LAMA5: variants seen among roughly 807,000 people sequenced by gnomAD.
LAMA5 encodes the protein laminin subunit alpha 5, also known as laminin subunit alpha-5.
In LAMA5, 260 loss-of-function variants were observed where a neutral mutation model predicts 433.4. The ratio of observed to expected loss-of-function variants is 0.60; its 90% CI spans 0.54 to 0.66. The LOEUF (loss-of-function observed/expected upper bound fraction) is 0.66. LAMA5 is among the 30% of genes least tolerant of loss of function. LAMA5 has a pLI of 0.00. For missense variants in LAMA5, 5,378 were observed against 5,258.5 expected, an observed-to-expected ratio of 1.02 and a Z score of -0.70; for synonymous variants, 2,620 against 2,226.6, an observed-to-expected ratio of 1.18 and a Z score of -4.97.
chr20:62,330,707 T>G (rs1299205593), intron 30 of LAMA5, 36 bp downstream of exon 30: 2 of 1,555,598 alleles, frequency 1.3e-6, no homozygotes, highest in Non-Finnish European at 8.7e-7. Context: ...AGTCCTGCCC[T>G]GACACCCCCG....
Position 62,367,155 on chromosome 20 carries a change from C to T in LAMA5, c.91G>A (p.Gly31Ser). The change falls in exon 1 of 80, where the codon GGC becomes AGC. Residue 31 changes from glycine (G) to serine (S), a missense_variant. Coordinates refer to ENST00000252999, the MANE Select transcript of LAMA5 (RefSeq NM_005560.6). ...PLLLVGLALL[G>S]AARAREEAGG... is the part of the protein sequence containing the mutation. ...GCCTCCTCCCGCGCCCGCGCCGCGC[C>T]CAGCAGCGCCAGCCCGACCAGCAGC... is the stretch of plus-strand genomic sequence containing the variant. The T allele has an allele frequency of 1.6e-6, 2 of 1,257,984 alleles. No homozygotes were observed. The highest frequency in any genetic ancestry group is 3.3e-5 in the East Asian group (1 of 30,202). 77.9% of individuals were successfully genotyped at this position (1,257,984 alleles called of 1,614,324 possible). A position where few individuals can be genotyped will look rare whatever the true frequency, so the allele number is the denominator to read the frequency against.
rs138911953 is a variant in LAMA5 at position 62,351,981 on chromosome 20, G to T, written c.786C>A (p.Arg262=). 1.2e-6 allele frequency: 2 copies of T among 1,612,666 alleles called. No homozygotes were observed. The highest frequency in any genetic ancestry group is 1.7e-6 in the Non-Finnish European group (2 of 1,179,916). Residue 262 remains arginine (R), a synonymous_variant, in exon 5 of 80, where the codon CGC becomes CGA. Transcript: ENST00000252999. ...CCAGCAGCGTGTTGGTACGCAGGAA[G>T]CGCAGGCGGACGTTGGTGGCCTTGG... is the stretch of plus-strand genomic sequence containing the variant. ...EFTKATNVRL[R]FLRTNTLLGH...
At chr20:62,336,879 A>C in intron 16 of LAMA5, 93 bp from the exon 17 acceptor site, 1 of 1,256,690 alleles carries the variant, frequency 8.0e-7, no homozygotes, top group Non-Finnish European at 1.1e-6. Flanking sequence ...ACGGTCCCAC[A>C]GGAGCTGAGG....
chr20:62,327,083 G>T lies in LAMA5; in HGVS notation c.5113-117C>A, dbSNP rs192221166. ...CCCTGTGCTGGGCCTGGATACTTGC[G>T]CTCATTCCCTACCGGGACAGGGCCT... On this transcript the variant is annotated intron_variant, in intron 38 of 79. Coordinates refer to ENST00000252999, the MANE Select transcript of LAMA5 (RefSeq NM_005560.6). 9.2e-6 allele frequency: 10 copies of T among 1,089,838 alleles called. No homozygotes were observed. In the African/African-American group the frequency reaches 1.3e-4, roughly 14 times the overall value. 67.5% of individuals were successfully genotyped at this position (1,089,838 alleles called of 1,614,324 possible).
Position 62,363,296 on chromosome 20 carries a change from G to A in LAMA5, c.298-744C>T, listed in dbSNP as rs114076454. 7.7e-3 allele frequency among the ~76,000 whole-genome samples: 1,173 copies of A among 152,288 alleles called. 13 individuals are homozygous for A. Among genetic ancestry groups the A allele is most frequent in the African/African-American group, 0.027 (1,114 of 41,562 alleles). On this transcript the variant is annotated intron_variant, in intron 1 of 79. Transcript: ENST00000252999. The stretch of plus-strand genomic sequence containing the variant: ...CTCCTGGCTGCTGCTTCCGAGTCCT[G>A]GGAAGAGGCCAAGTCACAGTAACTG...
chr20:62,323,050 G>T (rs1031492687), intron 45 of LAMA5, among the ~76,000 whole-genome samples: 3 of 145,084 alleles, frequency 2.1e-5, no homozygotes, highest in African/African-American at 7.7e-5. Context: ...GACTGATTGT[G>T]GGGGGAGAGG....
At chr20:62,335,947 C>T (rs1251662566) in intron 18 of LAMA5, among the ~76,000 whole-genome samples, 4 of 145,374 alleles carry the variant, frequency 2.8e-5, no homozygotes, top group Admixed American at 2.7e-4. Context: ...CCAGGACACA[C>T]TCATGGGTGC....
At chr20:62,337,511 G>C in intron 16 of LAMA5, 79 bp downstream of exon 16, 1 of 1,526,894 alleles carries the variant, frequency 6.5e-7, no homozygotes, top group Non-Finnish European at 8.9e-7. Context: ...CAGCCTCACA[G>C]GAAGGCAGGC....
At position 62,319,586 on chromosome 20, in the gene LAMA5, G is replaced by A. The variant is rs544699404; in HGVS notation, c.6871+98C>T. Reference sequence around the variant, plus strand: ...GTCTCCCATCTAAAAGACAGATCCTGCCTGTTCTTCCAGGCCAAGCTCGGC... The same window carrying A: ...GTCTCCCATCTAAAAGACAGATCCTACCTGTTCTTCCAGGCCAAGCTCGGC... On this transcript the variant is annotated intron_variant, in intron 51 of 79. Transcript: ENST00000252999. 1.0e-4 allele frequency: 84 copies of A among 810,316 alleles called. No homozygotes were observed. In the African/African-American group the frequency reaches 1.2e-3, roughly 11 times the overall value. 50.2% of individuals were successfully genotyped at this position (810,316 alleles called of 1,614,324 possible).
At chr20:62,333,306 G>C in intron 25 of LAMA5, 63 bp from the exon 26 acceptor site, 1 of 1,589,110 alleles carries the variant, frequency 6.3e-7, no homozygotes, top group Non-Finnish European at 8.6e-7. Context: ...CAGCCTGAGT[G>C]GGGGAAGCCA....
In LAMA5 at chr20:62,352,258, G is replaced by A. The variant is rs1253459407; in HGVS notation, c.671C>T (p.Pro224Leu). Residue 224 changes from proline to leucine, a missense_variant, in exon 4 of 80, where the codon CCC (proline) becomes CTC (leucine). Transcript: ENST00000252999. ...CCGGCCCACCTCTCCGTTCTCCAGGGGCACGATGCGTGAGTACTCGGTGGT... is the reference window on the plus strand; with the variant it reads ...CCGGCCCACCTCTCCGTTCTCCAGGAGCACGATGCGTGAGTACTCGGTGGT... Reference protein sequence around the residue: ...ICTTEYSRIVPLENGEIVVSL... With the variant: ...ICTTEYSRIVLLENGEIVVSL... 6.3e-7 allele frequency: 1 copy of A among 1,599,424 alleles called. No individual in the cohort carries two copies. The highest frequency in any genetic ancestry group is 1.7e-5 in the Admixed American group (1 of 59,994).
At chr20:62,309,511 G>A (rs1985869615) in intron 79 of LAMA5, 36 bp from the exon 80 acceptor site, 1 of 1,525,396 alleles carries the variant, frequency 6.6e-7, no homozygotes, top group Non-Finnish European at 8.8e-7. Context: ...AGGCTGGTTG[G>A]TGGGCAGCTA....
chr20:62,312,080 G>T lies in LAMA5; in HGVS notation c.9505-30C>A, dbSNP rs768158395. On this transcript the variant is annotated intron_variant, in intron 69 of 79. Coordinates refer to ENST00000252999, the MANE Select transcript of LAMA5 (RefSeq NM_005560.6). ...GGACGGCAGCCAGGTCAGCCGGCCG[G>T]CCTGGGGACCCAGACTCATTCCAGA... The T allele has an allele frequency of 4.3e-6, 7 of 1,609,938 alleles. No individual in the cohort carries two copies. In the South Asian group the frequency reaches 5.5e-5, roughly 13 times the overall value.
At position 62,362,347 on chromosome 20, in the gene LAMA5, G is replaced by A. The variant is rs569875176; in HGVS notation, c.450+53C>T. 3.4e-4 allele frequency: 471 copies of A among 1,397,550 alleles called. 3 individuals are homozygous for A. Among genetic ancestry groups the A allele is most frequent in the South Asian group, 2.9e-3 (167 of 57,104 alleles). The allele number at this position is 1,397,550 out of a possible 1,614,324, so 86.6% of individuals were successfully genotyped here. On this transcript the variant is annotated intron_variant, in intron 2 of 79. Coordinates refer to ENST00000252999, the MANE Select transcript of LAMA5 (RefSeq NM_005560.6). The stretch of plus-strand genomic sequence containing the variant: ...TGGTCCTGTGGCCCAAGGTAGGCCC[G>A]ACGGGCACAGACACAGAGATGGGGG...
Position 62,337,918 on chromosome 20 carries a change from C to T in LAMA5, c.1912G>A (p.Gly638Arg), listed in dbSNP as rs1463130357. ...NCQACTCDPR[G>R]ALDQLCGAGG... is the part of the protein sequence containing the mutation. Reference sequence around the variant, plus strand: ...GCCCCACAGAGCTGGTCCAGGGCTCCCCGAGGGTCGCAGGTGCATGCTGCA... The same window carrying T: ...GCCCCACAGAGCTGGTCCAGGGCTCTCCGAGGGTCGCAGGTGCATGCTGCA... The change falls in exon 15 of 80, where the codon GGA (glycine) becomes AGA (arginine). Residue 638 changes from glycine to arginine, a missense_variant. Transcript: ENST00000252999. 6.2e-7 allele frequency: 1 copy of T among 1,610,690 alleles called. No homozygotes were observed. The highest frequency in any genetic ancestry group is 1.3e-5 in the African/African-American group (1 of 74,966).
chr20:62,362,232 C>G (rs1195771607), intron 2 of LAMA5, among the ~76,000 whole-genome samples, 168 bp downstream of exon 2: 1 of 152,238 alleles, frequency 6.6e-6, no homozygotes, highest in Non-Finnish European at 1.5e-5. Context: ...CACTGCCGTG[C>G]CTTTGTCCCT....
chr20:62,312,752 C>T lies in LAMA5; in HGVS notation c.9107G>A (p.Arg3036His), dbSNP rs749079447. Reference protein sequence around the residue: ...AIQVFLLGGSRKRVLVRVERA... With the variant: ...AIQVFLLGGSHKRVLVRVERA... ...CTCCACACGCACCAGCACACGCTTG[C>T]GGCTGCCCCCCAGCAGGAACACCTG... Residue 3036 changes from arginine (R) to histidine (H), a missense_variant, in exon 67 of 80, where the codon CGC (arginine) becomes CAC (histidine). Transcript: ENST00000252999. 3.8e-5 allele frequency: 61 copies of T among 1,589,626 alleles called. No homozygotes were observed. Among genetic ancestry groups the T allele is most frequent in the African/African-American group, 2.0e-4 (15 of 74,010 alleles).
In LAMA5 at chr20:62,346,207, A is replaced by G; in HGVS notation, c.1291T>C (p.Cys431Arg). 1 of 1,611,600 alleles carries G rather than the reference A, an allele frequency of 6.2e-7. No individual in the cohort carries two copies. The highest frequency in any genetic ancestry group is 1.1e-5 in the South Asian group (1 of 90,832). The change falls in exon 10 of 80, where the codon TGC (cysteine) becomes CGC (arginine). Residue 431 changes from cysteine (C) to arginine (R), a missense_variant. Transcript: ENST00000252999. ...GTGCCATCCGTGAAGTCGGACTCGCAGTTGCAGCCTGGGCAGGGGCAGGAG... is the reference window on the plus strand; with the variant it reads ...GTGCCATCCGTGAAGTCGGACTCGCGGTTGCAGCCTGGGCAGGGGCAGGAG... ...DSPHVCRRCN[C>R]ESDFTDGTCE...
At position 62,351,994 on chromosome 20, in the gene LAMA5, T is replaced by C. The variant is rs773750026; in HGVS notation, c.773A>G (p.Asn258Ser). The C allele has an allele frequency of 1.9e-5, 30 of 1,612,540 alleles. 1 individual carries two copies. In the South Asian group the frequency reaches 3.1e-4, roughly 17 times the overall value. The change falls in exon 5 of 80, where the codon AAC becomes AGC. Residue 258 changes from asparagine (N) to serine (S), a missense_variant. Asn to Ser is a conservative substitution (Grantham distance 46). Coordinates refer to ENST00000252999, the MANE Select transcript of LAMA5 (RefSeq NM_005560.6). ...PLLREFTKAT[N>S]VRLRFLRTNT... ...GGTACGCAGGAAGCGCAGGCGGACG[T>C]TGGTGGCCTTGGTGAACTCACGTAG...
Sources: allele counts gnomAD v4.1 joint callset (sites outside exome capture counted in the v4.1 genomes callset), GRCh38; gene constraint gnomAD v4.1.1; transcripts MANE v1.5; gene names NCBI Gene and HGNC (gene_info 2026-07-23, HGNC 2026-07-21).